CTNNA3: variants seen among roughly 807,000 people sequenced by gnomAD.
CTNNA3 encodes the protein catenin alpha 3.
A neutral mutation model predicts 95.7 loss-of-function variants in CTNNA3; 76 were observed. That is an observed-to-expected ratio of 0.79 (90% CI 0.66 to 0.96). The LOEUF is 0.96. Ranked by LOEUF, CTNNA3 falls within the 40% of genes least tolerant of loss-of-function variation. CTNNA3 has a pLI of 0.00. For synonymous variants in CTNNA3, 431 were observed against 374.4 expected, an observed-to-expected ratio of 1.15 and a Z score of -1.74; for missense variants, 1,191 against 1,089.8, an observed-to-expected ratio of 1.09 and a Z score of -1.31.
At chr10:66,051,064 T>C (rs537289815) in intron 15 of CTNNA3, among the ~76,000 whole-genome samples, 223 of 152,106 alleles carry the variant, frequency 1.5e-3, no homozygotes, top group African/African-American at 5.3e-3. Context: ...AGTGAGGGTG[T>C]GGGGTCTCTC....
chr10:66,434,888 A>C (rs1160900564), intron 11 of CTNNA3, among the ~76,000 whole-genome samples: 1 of 151,504 alleles, frequency 6.6e-6, no homozygotes, highest in African/African-American at 2.4e-5. Context: ...CCTTTTTTGC[A>C]TCTATTGAGA....
intron 1 of CTNNA3, among the ~76,000 whole-genome samples, chr10:67,671,351 T>C (rs1235392634): frequency 3.9e-5 from 6 of 152,086 alleles, no homozygotes; most frequent in Non-Finnish European, 7.4e-5. Context: ...TATTAACTTC[T>C]TTTTTCTTAA....
At chr10:67,711,751 T>A (rs190746916) in intron 1 of CTNNA3, among the ~76,000 whole-genome samples, 1,714 of 106,008 alleles carry the variant, frequency 0.016, 38 homozygotes, top group African/African-American at 0.058. Flanking sequence ...ACCCCACAAC[T>A]GTCCCCAGAG....
At chr10:66,882,977 C>T (rs1844904300) in intron 7 of CTNNA3, among the ~76,000 whole-genome samples, 1 of 151,746 alleles carries the variant, frequency 6.6e-6, no homozygotes, top group Non-Finnish European at 1.5e-5. Context: ...ACCATCTGGC[C>T]CCTAGATCAA....
intron 10 of CTNNA3, among the ~76,000 whole-genome samples, chr10:66,599,670 T>C (rs926455939): frequency 3.3e-5 from 5 of 151,902 alleles, no homozygotes; most frequent in African/African-American, 9.7e-5. Context: ...CCTCAAAGTG[T>C]CTTAGGAAAT....
At chr10:66,673,687 A>G (rs1254120958) in intron 9 of CTNNA3, among the ~76,000 whole-genome samples, 2 of 152,234 alleles carry the variant, frequency 1.3e-5, no homozygotes, top group East Asian at 3.9e-4. Context: ...GATATACTAC[A>G]TAATCTTAAA....
rs146293388 is a variant in CTNNA3, at chr10:66,644,537, T to G, written c.1282-22753A>C. Reference sequence around the variant, plus strand: ...CACTATGTAAATGTCTGAAATAAATTTTAGTTGGGTTCTTTATTGAGATAA... The same window carrying G: ...CACTATGTAAATGTCTGAAATAAATGTTAGTTGGGTTCTTTATTGAGATAA... On this transcript the variant is annotated intron_variant, in intron 9 of 17. Coordinates refer to ENST00000433211, the MANE Select transcript of CTNNA3 (RefSeq NM_013266.4). Among the ~76,000 whole-genome samples, 614 of 150,148 alleles carry G rather than the reference T, an allele frequency of 4.1e-3. 5 individuals are homozygous for G. The highest frequency in any genetic ancestry group is 0.014 in the African/African-American group (564 of 41,018).
At chr10:66,340,637 C>A (rs2092444116) in intron 12 of CTNNA3, among the ~76,000 whole-genome samples, 1 of 151,618 alleles carries the variant, frequency 6.6e-6, no homozygotes, top group Non-Finnish European at 1.5e-5. Flanking sequence ...TATGGTTATT[C>A]ATATTTCAAT....
At chr10:67,089,125 T>C (rs1239329546) in intron 7 of CTNNA3, among the ~76,000 whole-genome samples, 1 of 151,932 alleles carries the variant, frequency 6.6e-6, no homozygotes, top group Non-Finnish European at 1.5e-5. Flanking sequence ...GGACCCCCCA[T>C]AGGTTTTGCT....
intron 7 of CTNNA3, among the ~76,000 whole-genome samples, chr10:66,952,766 T>G (rs539922401): frequency 6.6e-6 from 1 of 152,122 alleles, no homozygotes; most frequent in Non-Finnish European, 1.5e-5. Flanking sequence ...GCTTGGTTAG[T>G]GCTTATGTCC....
chr10:66,526,037 C>T (rs191204584), intron 10 of CTNNA3, among the ~76,000 whole-genome samples: 2 of 152,254 alleles, frequency 1.3e-5, no homozygotes, highest in East Asian at 3.9e-4. Flanking sequence ...CTATGTTTTG[C>T]TCACCCATTC....
chr10:66,117,904 C>G lies in CTNNA3; in HGVS notation c.1885-14655G>C, dbSNP rs564225973. ...TGTGTGTGGATATACAGTGTGAAGT[C>G]TGGATCATCAGGCCACTGGCCCTGC... On this transcript the variant is annotated intron_variant, in intron 13 of 17. Transcript: ENST00000433211. Among the ~76,000 whole-genome samples, 564 of 152,242 alleles carry G rather than the reference C, an allele frequency of 3.7e-3. 3 individuals are homozygous for G. The highest frequency in any genetic ancestry group is 6.4e-3 in the Non-Finnish European group (438 of 68,020).
chr10:67,146,481 C>A (rs1456749807), intron 7 of CTNNA3, among the ~76,000 whole-genome samples: 2 of 152,144 alleles, frequency 1.3e-5, no homozygotes, highest in Non-Finnish European at 2.9e-5. Flanking sequence ...ACTGTTCATG[C>A]ATATTATAGC....
At chr10:67,132,687 C>T (rs947071900) in intron 7 of CTNNA3, among the ~76,000 whole-genome samples, 55 of 151,476 alleles carry the variant, frequency 3.6e-4, no homozygotes, top group African/African-American at 1.3e-3. Flanking sequence ...CATCAACAGA[C>T]GAATGGATAA....
At chr10:66,885,306 G>A (rs1359028625) in intron 7 of CTNNA3, among the ~76,000 whole-genome samples, 1 of 152,138 alleles carries the variant, frequency 6.6e-6, no homozygotes, top group Non-Finnish European at 1.5e-5. Context: ...GGTTTTTTGT[G>A]AGAGTATGAT....
At chr10:66,254,650 G>A (rs1336723969) in intron 13 of CTNNA3, among the ~76,000 whole-genome samples, 1 of 152,122 alleles carries the variant, frequency 6.6e-6, no homozygotes, top group African/African-American at 2.4e-5. Flanking sequence ...TGATGCTGGG[G>A]CTCTGACACC....
At chr10:66,331,342 GTTTTTTTTTTT>G (rs60709020) in intron 12 of CTNNA3, among the ~76,000 whole-genome samples, 7 of 80,346 alleles carry the variant, frequency 8.7e-5, no homozygotes, top group African/African-American at 2.4e-4. Context: ...CCCATTGTTT[GTTTTTTTTTTT>G]TTTTTTTTTT....
At chr10:67,358,021 G>A (rs1309282017) in intron 5 of CTNNA3, among the ~76,000 whole-genome samples, 1 of 151,934 alleles carries the variant, frequency 6.6e-6, no homozygotes, top group Admixed American at 6.6e-5. Context: ...AAAGAGCAAA[G>A]CAATTTGATG....
chr10:66,531,302 G>A (rs1841457219), intron 10 of CTNNA3, among the ~76,000 whole-genome samples: 1 of 152,122 alleles, frequency 6.6e-6, no homozygotes, highest in Non-Finnish European at 1.5e-5. Context: ...CTTACTCTCT[G>A]AGCCTCAATT....
Sources: allele counts gnomAD v4.1 joint callset (sites outside exome capture counted in the v4.1 genomes callset), GRCh38; gene constraint gnomAD v4.1.1; transcripts MANE v1.5; gene names NCBI Gene and HGNC (gene_info 2026-07-23, HGNC 2026-07-21).